Variants in CCDC102B observed in about 807,000 individuals in gnomAD.
The protein encoded by CCDC102B is coiled-coil domain-containing protein 102B.
In CCDC102B, 75 loss-of-function variants were observed where a neutral mutation model predicts 57.4. The ratio of observed to expected loss-of-function variants is 1.31; its 90% CI spans 1.08 to 1.58. The LOEUF (loss-of-function observed/expected upper bound fraction) is 1.58. Among genes scored for constraint, CCDC102B ranks in the 40% most tolerant of loss-of-function variants. The pLI is 0.00. For synonymous variants in CCDC102B, 206 were observed against 201.9 expected (o/e 1.02, Z -0.17); for missense variants, 636 against 582.6 (o/e 1.09, Z -0.94).
At chr18:68,870,963 G>A (rs2039217733) in intron 4 of CCDC102B, among the ~76,000 whole-genome samples, 1 of 151,992 alleles carries the variant, frequency 6.6e-6, no homozygotes, top group Non-Finnish European at 1.5e-5. Context: ...CAACACTTTT[G>A]TTTCTTAGAC....
chr18:68,918,815 T>C (rs1294039836), intron 6 of CCDC102B, among the ~76,000 whole-genome samples: 1 of 152,118 alleles, frequency 6.6e-6, no homozygotes, highest in Non-Finnish European at 1.5e-5. Context: ...AATATAATCT[T>C]CACAAGCAGT....
intron 2 of CCDC102B, among the ~76,000 whole-genome samples, chr18:68,758,250 T>G (rs1023172962): frequency 1.5e-4 from 23 of 151,788 alleles, no homozygotes; most frequent in Middle Eastern, 3.5e-3. Context: ...GTTACATATG[T>G]GTATATATGT....
At chr18:68,745,720 C>T (rs2033593847) in intron 2 of CCDC102B, among the ~76,000 whole-genome samples, 1 of 152,162 alleles carries the variant, frequency 6.6e-6, no homozygotes, top group African/African-American at 2.4e-5. Context: ...ACCTATTAAC[C>T]TACCTCCCTT....
chr18:68,753,716 A>C (rs2033946449), intron 2 of CCDC102B: 1 of 151,434 alleles, frequency 6.6e-6, no homozygotes, highest in South Asian at 2.1e-4. Flanking sequence ...GCATTTGGCT[A>C]ATTATTATTT....
chr18:68,994,891 C>T (rs781281325), intron 6 of CCDC102B, among the ~76,000 whole-genome samples: 10 of 152,284 alleles, frequency 6.6e-5, no homozygotes, highest in East Asian at 3.9e-4. Context: ...GTGGAAGGAA[C>T]GTTGGAACTG....
At chr18:69,040,091 C>A (rs898990027) in intron 7 of CCDC102B, among the ~76,000 whole-genome samples, 70 of 151,828 alleles carry the variant, frequency 4.6e-4, no homozygotes, top group African/African-American at 1.6e-3. Flanking sequence ...CCTTATTTAA[C>A]AGACCATAAA....
chr18:68,937,157 T>C (rs1045862071), intron 6 of CCDC102B, among the ~76,000 whole-genome samples: 1 of 151,998 alleles, frequency 6.6e-6, no homozygotes, highest in African/African-American at 2.4e-5. Flanking sequence ...GGGAGTAAAA[T>C]TGACCTAACA....
At chr18:68,738,849 C>T (rs2033258075) in intron 2 of CCDC102B, among the ~76,000 whole-genome samples, 1 of 152,102 alleles carries the variant, frequency 6.6e-6, no homozygotes, top group South Asian at 2.1e-4. Flanking sequence ...ATCCAATCTA[C>T]CAGGCCTGCT....
intron 1 of CCDC102B, among the ~76,000 whole-genome samples, chr18:68,821,711 G>GTA (rs2036697844): frequency 6.6e-6 from 1 of 151,364 alleles, no homozygotes; most frequent in African/African-American, 2.4e-5. Context: ...ATATATGTAT[G>GTA]TATATACACA....
chr18:68,953,878 C>A (rs188645148), intron 6 of CCDC102B, among the ~76,000 whole-genome samples: 1 of 151,602 alleles, frequency 6.6e-6, no homozygotes, highest in African/African-American at 2.4e-5. Flanking sequence ...TTTTATCATG[C>A]GCTTTATATC....
Position 68,750,142 on chromosome 18 carries a change from A to G in CCDC102B, c.-67+33548A>G, listed in dbSNP as rs1023538529. 4.5e-4 allele frequency among the ~76,000 whole-genome samples: 68 copies of G among 152,254 alleles called. 2 individuals are homozygous for G. Among genetic ancestry groups the G allele is most frequent in the Admixed American group, 4.3e-3 (66 of 15,276 alleles). Reference sequence around the variant, plus strand: ...CAAAGGATATGAACAGACACTTCTCAAAAGAAGACATTTGTGCAGCCAACA... The same window carrying G: ...CAAAGGATATGAACAGACACTTCTCGAAAGAAGACATTTGTGCAGCCAACA... On this transcript the variant is annotated intron_variant, in intron 2 of 3. Transcript: ENST00000578970.
chr18:68,965,747 G>C (rs184555391), intron 6 of CCDC102B, among the ~76,000 whole-genome samples: 3 of 151,934 alleles, frequency 2.0e-5, no homozygotes, highest in Admixed American at 6.6e-5. Context: ...AAATTTTCTG[G>C]GTTCTTGGTG....
intron 6 of CCDC102B, among the ~76,000 whole-genome samples, chr18:68,920,116 C>CTTCG (rs1306149184): frequency 2.6e-5 from 4 of 152,086 alleles, no homozygotes; most frequent in Non-Finnish European, 5.9e-5. Flanking sequence ...CTCCCTCTCC[C>CTTCG]ACCCTCCACC....
chr18:68,803,235 G>A (rs75720362), intron 1 of CCDC102B, among the ~76,000 whole-genome samples: 4,463 of 152,264 alleles, frequency 0.029, 97 homozygotes, highest in Non-Finnish European at 0.048. Context: ...TGTCCATTTA[G>A]TAATAAATGT....
At chr18:68,883,853 T>C (rs1422767166) in intron 5 of CCDC102B, among the ~76,000 whole-genome samples, 1 of 152,198 alleles carries the variant, frequency 6.6e-6, no homozygotes, top group African/African-American at 2.4e-5. Flanking sequence ...CTTAAGTCCC[T>C]TGGTTAATAA....
At chr18:68,964,221 G>T (rs2050115721) in intron 6 of CCDC102B, among the ~76,000 whole-genome samples, 1 of 151,598 alleles carries the variant, frequency 6.6e-6, no homozygotes, top group Non-Finnish European at 1.5e-5. Context: ...TAGTTCCTTG[G>T]CTCAATTTTG....
intron 1 of CCDC102B, among the ~76,000 whole-genome samples, chr18:68,815,765 TATAAG>T (rs2036450910): frequency 6.6e-6 from 1 of 152,212 alleles, no homozygotes; most frequent in East Asian, 1.9e-4. Flanking sequence ...TTTTTATAGA[TATAAG>T]ATGTATGTAT....
At chr18:68,872,547 G>GT (rs2039280236) in intron 4 of CCDC102B, among the ~76,000 whole-genome samples, 1 of 151,836 alleles carries the variant, frequency 6.6e-6, no homozygotes, top group Non-Finnish European at 1.5e-5. Context: ...TACAGTAGTT[G>GT]TTTTTTAACT....
intron 1 of CCDC102B, among the ~76,000 whole-genome samples, chr18:68,817,002 C>T (rs1034575981): frequency 6.6e-6 from 1 of 152,178 alleles, no homozygotes; most frequent in African/African-American, 2.4e-5. Flanking sequence ...AGAAAGAAAA[C>T]AGTGAGTTGT....
Sources: gnomAD v4.1 joint callset for allele counts (sites outside exome capture counted in the v4.1 genomes callset) on GRCh38, gnomAD v4.1.1 for gene constraint, MANE v1.5 for transcripts, NCBI Gene and HGNC (gene_info 2026-07-23, HGNC 2026-07-21) for gene names.